KLHL29: variants seen among roughly 807,000 people sequenced by gnomAD.
KLHL29 encodes kelch like family member 29.
A neutral mutation model predicts 80.4 loss-of-function variants in KLHL29; 21 were observed. That is an observed-to-expected ratio of 0.26 (90% CI 0.19 to 0.38). The LOEUF (loss-of-function observed/expected upper bound fraction) is 0.38. Ranked by LOEUF, KLHL29 falls within the 10% of genes least tolerant of loss-of-function variation. The probability of loss-of-function intolerance (pLI) is 1.00; values close to 1 mark genes in which losing one functional copy is unlikely to be tolerated. For missense variants in KLHL29, 867 were observed against 1,223.9 expected (o/e 0.71, Z 4.35); for synonymous variants, 511 against 526.8 (o/e 0.97, Z 0.41).
At chr2:23,548,303 GCA>G (rs377087178) in intron 2 of KLHL29, among the ~76,000 whole-genome samples, 6 of 149,466 alleles carry the variant, frequency 4.0e-5, no homozygotes, top group East Asian at 2.0e-4. Flanking sequence ...ACACACACAG[GCA>G]CACACACACA....
intron 2 of KLHL29, among the ~76,000 whole-genome samples, chr2:23,488,540 G>A (rs1283438758): frequency 6.6e-6 from 1 of 152,204 alleles, no homozygotes; most frequent in African/African-American, 2.4e-5. Context: ...GGCCTGATGG[G>A]TGGGAGCTGT....
intron 2 of KLHL29, chr2:23,532,476 C>G: frequency 6.9e-6 from 3 of 432,168 alleles, no homozygotes; most frequent in East Asian, 7.0e-5. Context: ...CCCAGGGCGG[C>G]ACCCAGGCCC....
chr2:23,452,912 C>CAA (rs554453898), intron 1 of KLHL29, among the ~76,000 whole-genome samples: 1 of 150,162 alleles, frequency 6.7e-6, no homozygotes, highest in African/African-American at 2.4e-5. Flanking sequence ...ACCCCCCCGC[C>CAA]CACACACACA....
intron 6 of KLHL29, 78 bp from the exon 7 acceptor site, chr2:23,691,596 A>T: frequency 8.1e-7 from 1 of 1,231,592 alleles, no homozygotes; most frequent in South Asian, 1.3e-5. Context: ...CAAGGTGTGC[A>T]GGGAGATCTA....
chr2:23,664,501 A>G (rs1346497506), intron 5 of KLHL29, among the ~76,000 whole-genome samples: 3 of 152,122 alleles, frequency 2.0e-5, no homozygotes, highest in African/African-American at 7.2e-5. Flanking sequence ...TGGGGTCTCA[A>G]CTCTAGATCC....
intron 6 of KLHL29, 175 bp from the exon 7 acceptor site, chr2:23,691,499 A>G: frequency 1.6e-6 from 1 of 608,726 alleles, no homozygotes; most frequent in South Asian, 2.0e-5. Flanking sequence ...CTCTGGTCAG[A>G]CTCTTCTCTT....
At chr2:23,463,644 T>C (rs1339228270) in intron 1 of KLHL29, among the ~76,000 whole-genome samples, 1 of 152,134 alleles carries the variant, frequency 6.6e-6, no homozygotes, top group African/African-American at 2.4e-5. Context: ...GCTGAGTCTT[T>C]TGGGCCCCGC....
intron 1 of KLHL29, among the ~76,000 whole-genome samples, chr2:23,409,388 G>T (rs1489847508): frequency 6.6e-6 from 1 of 152,214 alleles, no homozygotes; most frequent in South Asian, 2.1e-4. Context: ...ATGGCTGGAG[G>T]TGGGGGCGGA....
intron 5 of KLHL29, among the ~76,000 whole-genome samples, chr2:23,658,637 G>A (rs1000609435): frequency 1.2e-4 from 18 of 152,342 alleles, no homozygotes; most frequent in Non-Finnish European, 2.4e-4. Flanking sequence ...TGAATGATGA[G>A]CCAGTCAGGG....
chr2:23,670,570 C>T (rs1019310812), intron 5 of KLHL29, among the ~76,000 whole-genome samples: 1 of 152,148 alleles, frequency 6.6e-6, no homozygotes, highest in African/African-American at 2.4e-5. Context: ...TGACTCTGTG[C>T]CAGGGCCTGC....
intron 1 of KLHL29, among the ~76,000 whole-genome samples, chr2:23,410,639 G>T (rs920348001): frequency 7.9e-5 from 12 of 152,180 alleles, no homozygotes; most frequent in African/African-American, 2.9e-4. Context: ...GGGTCAAGCT[G>T]TTGGTCCGCA....
chr2:23,484,531 G>A (rs970851586), intron 2 of KLHL29, among the ~76,000 whole-genome samples: 3 of 152,222 alleles, frequency 2.0e-5, no homozygotes, highest in African/African-American at 4.8e-5. Context: ...AGTGGAAAAC[G>A]GAAGTCAGAA....
At chr2:23,393,227 G>C (rs937817274) in intron 1 of KLHL29, among the ~76,000 whole-genome samples, 1 of 152,140 alleles carries the variant, frequency 6.6e-6, no homozygotes, top group Admixed American at 6.5e-5. Flanking sequence ...CTGACTTTTT[G>C]GATGTTCTTT....
intron 2 of KLHL29, among the ~76,000 whole-genome samples, chr2:23,547,571 T>C (rs936441153): frequency 2.0e-5 from 3 of 151,916 alleles, no homozygotes; most frequent in South Asian, 4.2e-4. Flanking sequence ...CAGAAAGTGT[T>C]CGCTTTCCGT....
intron 11 of KLHL29, chr2:23,697,790 G>C (rs540444521): frequency 6.6e-6 from 1 of 152,184 alleles, no homozygotes; most frequent in Non-Finnish European, 1.5e-5. Context: ...GGTTGGCCCC[G>C]GTGCTGGCAG....
chr2:23,573,723 T>A (rs1262752189), intron 3 of KLHL29, among the ~76,000 whole-genome samples: 1 of 152,252 alleles, frequency 6.6e-6, no homozygotes, highest in Non-Finnish European at 1.5e-5. Flanking sequence ...TCATTTTTTG[T>A]CTGATCAGGC....
chr2:23,605,536 G>T (rs1668690583), intron 3 of KLHL29, among the ~76,000 whole-genome samples: 1 of 152,170 alleles, frequency 6.6e-6, no homozygotes, highest in Non-Finnish European at 1.5e-5. Context: ...ACCGTAAGAA[G>T]CCCTTGCCCT....
At chr2:23,540,000 G>A (rs762882963) in intron 2 of KLHL29, among the ~76,000 whole-genome samples, 11 of 152,114 alleles carry the variant, frequency 7.2e-5, no homozygotes, top group African/African-American at 2.4e-4. Context: ...CAGGTGTGCC[G>A]CCCACCAGCC....
At chr2:23,628,352 T>A (rs1307546990) in intron 3 of KLHL29, among the ~76,000 whole-genome samples, 1 of 144,530 alleles carries the variant, frequency 6.9e-6, no homozygotes, top group Non-Finnish European at 1.5e-5. Context: ...AATCCTAGAA[T>A]GCCCTCTGGG....
Sources: gnomAD v4.1 joint callset for allele counts (sites outside exome capture counted in the v4.1 genomes callset) on GRCh38, gnomAD v4.1.1 for gene constraint, MANE v1.5 for transcripts, NCBI Gene and HGNC (gene_info 2026-07-23, HGNC 2026-07-21) for gene names.